SVEP1: variants seen among roughly 807,000 people sequenced by gnomAD.
SVEP1 encodes sushi, von Willebrand factor type A, EGF and pentraxin domain containing 1.
SVEP1 carries 164 observed loss-of-function variants against 367.3 expected under a neutral mutation model. The ratio of observed to expected loss-of-function variants is 0.45; its 90% CI spans 0.39 to 0.51. The LOEUF (loss-of-function observed/expected upper bound fraction) is 0.51. Among genes scored for constraint, SVEP1 ranks in the 20% least tolerant of loss-of-function variants. The pLI, the probability that SVEP1 is intolerant of heterozygous loss-of-function variation, is 0.00. For missense variants in SVEP1, 4,117 were observed against 4,425.3 expected, an observed-to-expected ratio of 0.93 and a Z score of 1.98; for synonymous variants, 1,666 against 1,611.6, an observed-to-expected ratio of 1.03 and a Z score of -0.81.
At chr9:110,518,694 A>G (rs1182073270) in intron 3 of SVEP1, among the ~76,000 whole-genome samples, 1 of 152,000 alleles carries the variant, frequency 6.6e-6, no homozygotes, top group East Asian at 1.9e-4. Context: ...TTCAATATCT[A>G]AATAAAACTT....
At position 110,458,511 on chromosome 9, in the gene SVEP1, G is replaced by C. The variant is rs769099981; in HGVS notation, c.3536C>G (p.Ser1179Cys). The change falls in exon 20 of 48, where the codon TCT (serine) becomes TGT (cysteine). Residue 1179 changes from serine to cysteine, a missense_variant. Ser to Cys is a moderately radical substitution (Grantham distance 112, BLOSUM62 -1). Transcript: ENST00000374469. ...ATGCCTCTTTTTAATATGTCCAAGA[G>C]AGGCAGGGGGCACCACACTTTCCTC... Reference protein sequence around the residue: ...AAEESVVPPASLGHIKKRHEI... With the variant: ...AAEESVVPPACLGHIKKRHEI... 1.8e-5 allele frequency: 29 copies of C among 1,612,926 alleles called. No homozygotes were observed. Among genetic ancestry groups the C allele is most frequent in the Non-Finnish European group, 2.5e-5 (29 of 1,179,630 alleles).
intron 40 of SVEP1, among the ~76,000 whole-genome samples, chr9:110,398,795 A>G (rs904068878): frequency 6.6e-6 from 1 of 152,238 alleles, no homozygotes; most frequent in Non-Finnish European, 1.5e-5. Flanking sequence ...CCACAATGAG[A>G]TGCCATCTCA....
At chr9:110,438,451 C>T (rs1000721368) in intron 27 of SVEP1, among the ~76,000 whole-genome samples, 1 of 152,080 alleles carries the variant, frequency 6.6e-6, no homozygotes, top group Non-Finnish European at 1.5e-5. Flanking sequence ...GTGATCCAGC[C>T]ACCTCAGCCT....
At position 110,434,431 on chromosome 9, in the gene SVEP1, T is replaced by C. The variant is rs375194209; in HGVS notation, c.4964A>G (p.Asn1655Ser). The change falls in exon 30 of 48, where the codon AAT becomes AGT. Residue 1655 changes from asparagine to serine, a missense_variant. Around this residue, in one of 4 missense-constraint regions of SVEP1, gnomAD observed 2,174 missense variants for 2,494.3 expected, o/e 0.87. Transcript: ENST00000374469. ...SEDLKPGSKV[N>S]LFCDPGFQLV... The stretch of plus-strand genomic sequence containing the variant: ...CTGGAAGCCTGGATCACAGAACAGA[T>C]TGACTTTGGAACCTGGCTTTAAATC... The C allele has an allele frequency of 3.7e-6, 6 of 1,613,514 alleles. No homozygotes were observed. The highest frequency in any genetic ancestry group is 3.3e-5 in the South Asian group (3 of 90,996).
rs1326432552 is a variant in SVEP1 at position 110,450,254 on chromosome 9, T to C, written c.3908A>G (p.His1303Arg). ...CTCVKGFVGL[H>R]CETEVNECQS... Reference sequence around the variant, plus strand: ...GCATTCATTGACTTCTGTTTCACAATGCAGGCCTGAGGATGGAGAAGGAAG... The same window carrying C: ...GCATTCATTGACTTCTGTTTCACAACGCAGGCCTGAGGATGGAGAAGGAAG... The change falls in exon 24 of 48, where the codon CAT becomes CGT. Residue 1303 changes from histidine to arginine, a missense_variant. Coordinates refer to ENST00000374469, the MANE Select transcript of SVEP1 (RefSeq NM_153366.4). The C allele has an allele frequency of 1.2e-6, 2 of 1,613,568 alleles. No homozygotes were observed. The highest frequency in any genetic ancestry group is 1.7e-6 in the Non-Finnish European group (2 of 1,179,758).
At chr9:110,549,787 C>T in intron 2 of SVEP1, 62 bp downstream of exon 2, 1 of 1,580,698 alleles carries the variant, frequency 6.3e-7, no homozygotes, top group Non-Finnish European at 8.6e-7. Context: ...GGGTTTCAAG[C>T]AGTGAGAGGC....
Position 110,400,245 on chromosome 9 carries a change from T to C in SVEP1, c.9822+609A>G, listed in dbSNP as rs143615206. Among the ~76,000 whole-genome samples the C allele has an allele frequency of 2.8e-3, 421 of 152,360 alleles. 3 individuals are homozygous for C. The highest frequency in any genetic ancestry group is 9.8e-3 in the African/African-American group (407 of 41,584). The stretch of plus-strand genomic sequence containing the variant: ...GGACTTCCCTGTTGCAGAATATGAT[T>C]ACCAGCAAGCCGAAACACAGTTTAA... On this transcript the variant is annotated intron_variant, in intron 40 of 47. Coordinates refer to ENST00000374469, the MANE Select transcript of SVEP1 (RefSeq NM_153366.4).
intron 14 of SVEP1, among the ~76,000 whole-genome samples, chr9:110,475,575 G>A (rs1297246777): frequency 3.5e-5 from 5 of 141,196 alleles, no homozygotes; most frequent in African/African-American, 1.3e-4. Flanking sequence ...TCACTTTGTT[G>A]CCCAGGCTGG....
rs1827976880 is a variant in SVEP1 at position 110,407,672 on chromosome 9, A to G, written c.7928T>C (p.Val2643Ala). The G allele has an allele frequency of 2.5e-6, 4 of 1,613,848 alleles. No homozygotes were observed. Among genetic ancestry groups the G allele is most frequent in the Non-Finnish European group, 1.7e-6 (2 of 1,179,886 alleles). ...YFEQEDDMME[V>A]PYVTPHPPYH... ...AGGAGGGTGAGGAGTCACATATGGAACTTCCATCATGTCGTCTTCTTGCTC... is the reference window on the plus strand; with the variant it reads ...AGGAGGGTGAGGAGTCACATATGGAGCTTCCATCATGTCGTCTTCTTGCTC... The change falls in exon 38 of 48, where the codon GTT (valine) becomes GCT (alanine). Residue 2643 changes from valine (V) to alanine (A), a missense_variant. By Grantham distance (64) the Val-to-Ala change is moderately conservative (BLOSUM62 0). Around this residue, in one of 4 missense-constraint regions of SVEP1, gnomAD observed 1,765 missense variants for 1,781.1 expected, o/e 0.99. Coordinates refer to ENST00000374469, the MANE Select transcript of SVEP1 (RefSeq NM_153366.4).
Position 110,466,030 on chromosome 9 carries a change from A to G in SVEP1, c.3161-4T>C. The G allele has an allele frequency of 1.2e-6, 2 of 1,610,322 alleles. No individual in the cohort carries two copies. Among genetic ancestry groups the G allele is most frequent in the Non-Finnish European group, 1.7e-6 (2 of 1,177,206 alleles). ...TAGGTGCCTTGTTTACACTGAGCTG[A>G]AAAGAAAAAGGTAATATTACTATCA... On this transcript the variant is annotated splice_region_variant and splice_polypyrimidine_tract_variant and intron_variant, in intron 17 of 47. Transcript: ENST00000374469.
chr9:110,494,120 T>C (rs1020832485), intron 8 of SVEP1, among the ~76,000 whole-genome samples: 42 of 152,238 alleles, frequency 2.8e-4, no homozygotes, highest in African/African-American at 1.0e-3. Flanking sequence ...TCACAGTCCT[T>C]ACTTTCATCA....
At chr9:110,554,904 AT>A (rs1252967317) in intron 1 of SVEP1, among the ~76,000 whole-genome samples, 2 of 152,308 alleles carry the variant, frequency 1.3e-5, no homozygotes, top group Non-Finnish European at 1.5e-5. Flanking sequence ...GAAAAGTCCA[AT>A]TATCTGTTAT....
chr9:110,383,102 G>A (rs1024424329), intron 43 of SVEP1, among the ~76,000 whole-genome samples: 43 of 152,228 alleles, frequency 2.8e-4, no homozygotes, highest in African/African-American at 7.5e-4. Context: ...TGCTTTTCCT[G>A]GAGAAGTGTT....
At position 110,407,381 on chromosome 9, in the gene SVEP1, T is replaced by C. The variant is rs749974788; in HGVS notation, c.8219A>G (p.Gln2740Arg). Reference sequence around the variant, plus strand: ...AATGTGTCCAGGTTTACAGCTATACTGCACAGCACTTCCCATGCTAGTCTC... The same window carrying C: ...AATGTGTCCAGGTTTACAGCTATACCGCACAGCACTTCCCATGCTAGTCTC... ...FTETSMGSAVQYSCKPGHILA... is the reference protein window; with the variant it reads ...FTETSMGSAVRYSCKPGHILA... Residue 2740 changes from glutamine (Q) to arginine (R), a missense_variant, in exon 38 of 48, where the codon CAG becomes CGG. This residue lies in a region of SVEP1 where 1,765 missense variants were observed against 1,781.1 expected (regional missense o/e 0.99). Coordinates refer to ENST00000374469, the MANE Select transcript of SVEP1 (RefSeq NM_153366.4). 15 of 1,614,022 alleles carry C rather than the reference T, an allele frequency of 9.3e-6. No individual in the cohort carries two copies. The highest frequency in any genetic ancestry group is 1.2e-5 in the Non-Finnish European group (14 of 1,179,896).
At chr9:110,399,646 C>G (rs1306031420) in intron 40 of SVEP1, among the ~76,000 whole-genome samples, 1 of 151,634 alleles carries the variant, frequency 6.6e-6, no homozygotes, top group Non-Finnish European at 1.5e-5. Context: ...TGATCCTCCT[C>G]CCTCAGCCTC....
chr9:110,557,615 T>G (rs908814438), intron 1 of SVEP1, among the ~76,000 whole-genome samples: 2 of 152,148 alleles, frequency 1.3e-5, no homozygotes, highest in African/African-American at 4.8e-5. Context: ...GATAGAGTTG[T>G]GGATTTTTAT....
At position 110,369,888 on chromosome 9, in the gene SVEP1, T is replaced by C. The variant is rs373772480; in HGVS notation, c.10694+35A>G. ...ATTTACTTGAATTTTAGAGTCTTCA[T>C]GTTATAGGCGAACATTAGTTTTTGG... is the stretch of plus-strand genomic sequence containing the variant. On this transcript the variant is annotated intron_variant, in intron 47 of 47. Transcript: ENST00000374469. The C allele has an allele frequency of 2.0e-5, 31 of 1,571,884 alleles. No individual in the cohort carries two copies. In the African/African-American group the frequency reaches 2.0e-4, roughly 10 times the overall value.
chr9:110,566,210 T>C (rs763455499), intron 1 of SVEP1, among the ~76,000 whole-genome samples: 13 of 151,638 alleles, frequency 8.6e-5, no homozygotes, highest in Non-Finnish European at 1.3e-4. Flanking sequence ...TATTCCCAGC[T>C]ATTCTGGAGG....
rs571633620 is a variant in SVEP1, at chr9:110,558,977, C to T, written c.532-8873G>A. ...TAAAAGGAAGTAATAATCCAATATGCTGAAAAGACATTCAATAAAATTAAT... is the reference window on the plus strand; with the variant it reads ...TAAAAGGAAGTAATAATCCAATATGTTGAAAAGACATTCAATAAAATTAAT... On this transcript the variant is annotated intron_variant, in intron 1 of 47. Transcript: ENST00000374469. Among the ~76,000 whole-genome samples, 3 of 152,030 alleles carry T rather than the reference C, an allele frequency of 2.0e-5. No homozygotes were observed. In the East Asian group the frequency reaches 5.8e-4, roughly 29 times the overall value.
Sources: gnomAD v4.1 joint callset for allele counts (sites outside exome capture counted in the v4.1 genomes callset) on GRCh38, gnomAD v4.1.1 for gene constraint, gnomAD v4.1.1 regional missense constraint, MANE v1.5 for transcripts, NCBI Gene and HGNC (gene_info 2026-07-23, HGNC 2026-07-21) for gene names.